TLK2: variants seen among roughly 807,000 people sequenced by gnomAD.
The protein encoded by TLK2 is tousled like kinase 2.
In TLK2, 6 loss-of-function variants were observed where a neutral mutation model predicts 117.3. That is an observed-to-expected ratio of 0.05 (90% CI 0.03 to 0.10). The LOEUF (loss-of-function observed/expected upper bound fraction) is 0.10. Among genes scored for constraint, TLK2 ranks in the 10% least tolerant of loss-of-function variants. The probability of loss-of-function intolerance (pLI) is 1.00; values close to 1 mark genes in which losing one functional copy is unlikely to be tolerated. For missense variants in TLK2, 299 were observed against 901.2 expected, an observed-to-expected ratio of 0.33 and a Z score of 8.56; for synonymous variants, 257 against 316.7, an observed-to-expected ratio of 0.81 and a Z score of 2.00.
At chr17:62,541,611 G>A (rs1280279924) in intron 7 of TLK2, among the ~76,000 whole-genome samples, 10 of 152,280 alleles carry the variant, frequency 6.6e-5, no homozygotes, top group South Asian at 2.1e-4. Context: ...GGAAATTTGA[G>A]GTTTTATTTT....
intron 2 of TLK2, chr17:62,516,427 G>A (rs1447338770): frequency 1.5e-5 from 24 of 1,590,528 alleles, no homozygotes; most frequent in South Asian, 7.9e-5. Flanking sequence ...AGGTAGCACA[G>A]CACTCCTCAT....
At chr17:62,559,195 T>C (rs2079070784) in intron 9 of TLK2, among the ~76,000 whole-genome samples, 1 of 152,162 alleles carries the variant, frequency 6.6e-6, no homozygotes, top group Non-Finnish European at 1.5e-5. Flanking sequence ...ACGTTGTTTG[T>C]TTGTTCTGTC....
At chr17:62,587,823 T>A (rs1449745864) in intron 16 of TLK2, among the ~76,000 whole-genome samples, 1 of 152,038 alleles carries the variant, frequency 6.6e-6, no homozygotes, top group African/African-American at 2.4e-5. Context: ...GGAAAGCACA[T>A]GTTGTTCTGA....
intron 7 of TLK2, among the ~76,000 whole-genome samples, chr17:62,537,366 T>G (rs2145859825): frequency 6.6e-6 from 1 of 152,350 alleles, no homozygotes; most frequent in East Asian, 1.9e-4. Flanking sequence ...GATACAACGC[T>G]CCTTGAATAA....
intron 12 of TLK2, among the ~76,000 whole-genome samples, chr17:62,573,794 G>T (rs1487887452): frequency 6.6e-6 from 1 of 152,154 alleles, no homozygotes; most frequent in East Asian, 1.9e-4. Context: ...ACAAACTTAG[G>T]ATAAGCCCCC....
intron 2 of TLK2, chr17:62,516,427 G>C: frequency 6.3e-7 from 1 of 1,590,644 alleles, no homozygotes; most frequent in Non-Finnish European, 8.5e-7. Flanking sequence ...AGGTAGCACA[G>C]CACTCCTCAT....
Position 62,539,211 on chromosome 17 carries a change from T to C in TLK2, c.531+2874T>C, listed in dbSNP as rs140756604. Among the ~76,000 whole-genome samples the C allele has an allele frequency of 5.2e-3, 794 of 152,328 alleles. 5 individuals carry two copies. Among genetic ancestry groups the C allele is most frequent in the African/African-American group, 0.018 (756 of 41,584 alleles). On this transcript the variant is annotated intron_variant, in intron 7 of 21. Transcript: ENST00000346027. Reference sequence around the variant, plus strand: ...CATAAAATTACACAAAGATATTTATTGAGGTATTGTTTATTGTTGCAAAAA... The same window carrying C: ...CATAAAATTACACAAAGATATTTATCGAGGTATTGTTTATTGTTGCAAAAA...
chr17:62,557,364 A>G (rs2078937431), intron 9 of TLK2, among the ~76,000 whole-genome samples: 1 of 152,136 alleles, frequency 6.6e-6, no homozygotes, highest in South Asian at 2.1e-4. Context: ...TATGACAAGA[A>G]GTATTCTAAA....
At chr17:62,512,425 G>A (rs1438691743) in intron 2 of TLK2, among the ~76,000 whole-genome samples, 1 of 151,704 alleles carries the variant, frequency 6.6e-6, no homozygotes, top group Non-Finnish European at 1.5e-5. Context: ...GTTTCTCCAC[G>A]TTGGTCAGGC....
At position 62,544,328 on chromosome 17, in the gene TLK2, T is replaced by C. The variant is rs146038819; in HGVS notation, c.532-7974T>C. On this transcript the variant is annotated intron_variant, in intron 7 of 21. Transcript: ENST00000346027. ...GGAGGCCTCAGGAAGCTTACAGTCA[T>C]GGGAGAAGGTGAAGGAGAAGCAAGC... Among the ~76,000 whole-genome samples, 871 of 152,238 alleles carry C rather than the reference T, an allele frequency of 5.7e-3. 7 individuals carry two copies. The highest frequency in any genetic ancestry group is 0.02 in the African/African-American group (830 of 41,532).
intron 14 of TLK2, 103 bp downstream of exon 14, chr17:62,578,677 T>C: frequency 1.2e-6 from 1 of 859,082 alleles, no homozygotes; most frequent in East Asian, 2.6e-5. Flanking sequence ...GTTACATAAA[T>C]GATTCCATGG....
intron 16 of TLK2, among the ~76,000 whole-genome samples, chr17:62,594,799 C>CAA (rs2082338707): frequency 3.3e-5 from 2 of 59,718 alleles, no homozygotes; most frequent in Admixed American, 2.8e-4. Flanking sequence ...TACACACACA[C>CAA]ACACACACAC....
At chr17:62,530,020 T>C (rs1434169324) in intron 6 of TLK2, among the ~76,000 whole-genome samples, 1 of 152,036 alleles carries the variant, frequency 6.6e-6, no homozygotes, top group Non-Finnish European at 1.5e-5. Flanking sequence ...CTAAGCAATA[T>C]AGTGAGATCC....
At chr17:62,519,682 C>T (rs2075895554) in intron 2 of TLK2, among the ~76,000 whole-genome samples, 2 of 152,180 alleles carry the variant, frequency 1.3e-5, no homozygotes, top group South Asian at 2.1e-4. Context: ...TTATTTCTTC[C>T]TCTTGATGCT....
intron 16 of TLK2, among the ~76,000 whole-genome samples, chr17:62,592,241 G>A (rs1040292431): frequency 6.6e-6 from 1 of 152,134 alleles, no homozygotes; most frequent in Non-Finnish European, 1.5e-5. Flanking sequence ...TTATAGGCAC[G>A]AGCCACTGCG....
chr17:62,529,828 A>AT (rs372131550), intron 6 of TLK2, among the ~76,000 whole-genome samples: 11,591 of 148,666 alleles, frequency 0.078, 624 homozygotes, highest in Non-Finnish European at 0.12. Context: ...TTTAGATTGG[A>AT]TTTTTTTTTT....
chr17:62,600,993 T>A (rs2082834384), intron 18 of TLK2, among the ~76,000 whole-genome samples, 173 bp downstream of exon 18: 1 of 152,092 alleles, frequency 6.6e-6, no homozygotes, highest in Non-Finnish European at 1.5e-5. Flanking sequence ...CAGCACTGGG[T>A]TTAGGAGGGC....
intron 15 of TLK2, among the ~76,000 whole-genome samples, chr17:62,584,758 G>A (rs1166235466): frequency 6.6e-6 from 1 of 152,226 alleles, no homozygotes; most frequent in Non-Finnish European, 1.5e-5. Context: ...TGGTATAAAT[G>A]ATGGAAGTTT....
At chr17:62,471,916 T>TTC (rs2070949076) in intron 1 of TLK2, among the ~76,000 whole-genome samples, 1 of 140,642 alleles carries the variant, frequency 7.1e-6, no homozygotes, top group Non-Finnish European at 1.5e-5. Context: ...TTTTTTTTTT[T>TTC]TAGACAGAGT....
Sources: allele counts gnomAD v4.1 joint callset (sites outside exome capture counted in the v4.1 genomes callset), GRCh38; gene constraint gnomAD v4.1.1; transcripts MANE v1.5; gene names NCBI Gene and HGNC (gene_info 2026-07-23, HGNC 2026-07-21).